SH3KBP1: variants seen among roughly 807,000 people sequenced by gnomAD.
SH3KBP1 encodes the protein SH3 domain containing kinase binding protein 1, also known as SH3 domain-containing kinase-binding protein 1.
Under a neutral mutation model 50.1 loss-of-function variants are expected in SH3KBP1, and 8 were observed. The ratio of observed to expected loss-of-function variants is 0.16; its 90% CI spans 0.09 to 0.29. SH3KBP1 has a LOEUF of 0.29. SH3KBP1 is among the 10% of genes least tolerant of loss of function. SH3KBP1 has a pLI of 1.00. For missense variants in SH3KBP1, 377 were observed against 535.2 expected (o/e 0.70, Z 2.92); for synonymous variants, 227 against 218.6 (o/e 1.04, Z -0.34).
chrX:19,583,645 A>G (rs1266755750), intron 12 of SH3KBP1, among the ~76,000 whole-genome samples: 4 of 109,737 alleles, frequency 3.6e-5, no homozygotes, highest in Non-Finnish European at 7.6e-5. Flanking sequence ...CTCAGGCTGA[A>G]CACAGACTGC....
intron 3 of SH3KBP1, among the ~76,000 whole-genome samples, chrX:19,734,817 TA>T (rs771838034): frequency 8.9e-6 from 1 of 112,309 alleles, no homozygotes; most frequent in East Asian, 2.8e-4. Flanking sequence ...TCACTTAGCA[TA>T]ATGTTTTCAA....
intron 2 of SH3KBP1, among the ~76,000 whole-genome samples, chrX:19,833,161 C>T (rs2067953356): frequency 9.0e-6 from 1 of 111,089 alleles, no homozygotes; most frequent in African/African-American, 3.3e-5. Flanking sequence ...CTCTCCTTCC[C>T]ACGGTCCTCC....
intron 11 of SH3KBP1, 57 bp from the exon 12 acceptor site, chrX:19,588,859 A>C: frequency 1.1e-6 from 1 of 940,785 alleles, no homozygotes; most frequent in Non-Finnish European, 1.4e-6. Flanking sequence ...CAGTACTTAG[A>C]TGCAGATCAC....
intron 10 of SH3KBP1, 50 bp downstream of exon 10, chrX:19,594,899 G>T: frequency 2.1e-6 from 2 of 931,677 alleles, no homozygotes; most frequent in Non-Finnish European, 3.1e-6. Context: ...TTGAATATAT[G>T]CAAAAAGAAA....
At chrX:19,769,075 A>ATTT (rs36059368) in intron 2 of SH3KBP1, among the ~76,000 whole-genome samples, 1,573 of 81,097 alleles carry the variant, frequency 0.019, 82 homozygotes, top group African/African-American at 0.078. Flanking sequence ...CTGCGTTATA[A>ATTT]TTTTTTTTTT....
At chrX:19,572,138 C>T (rs1355276855) in intron 12 of SH3KBP1, among the ~76,000 whole-genome samples, 1 of 109,004 alleles carries the variant, frequency 9.2e-6, no homozygotes, top group Non-Finnish European at 1.9e-5. Flanking sequence ...TACTTTACTG[C>T]TCTTATTTTC....
At chrX:19,594,665 G>GT (rs1248804092) in intron 10 of SH3KBP1, among the ~76,000 whole-genome samples, 7 of 110,296 alleles carry the variant, frequency 6.3e-5, no homozygotes, top group African/African-American at 9.9e-5. Context: ...ACCCAAACTT[G>GT]TTTTTTTTGT....
intron 2 of SH3KBP1, among the ~76,000 whole-genome samples, chrX:19,782,392 C>G (rs2066209339): frequency 9.0e-6 from 1 of 111,455 alleles, no homozygotes; most frequent in Non-Finnish European, 1.9e-5. Flanking sequence ...TTTAAGCCAC[C>G]CAGTTTGTGG....
intron 2 of SH3KBP1, among the ~76,000 whole-genome samples, chrX:19,750,569 C>A (rs1451525143): frequency 2.7e-5 from 3 of 112,085 alleles, no homozygotes; most frequent in Non-Finnish European, 5.6e-5. Context: ...TCTCTGTGTA[C>A]TTGCTTCTGA....
chrX:19,555,832 C>T (rs1002244940), intron 13 of SH3KBP1, among the ~76,000 whole-genome samples: 7 of 111,799 alleles, frequency 6.3e-5, no homozygotes, highest in African/African-American at 2.3e-4. Flanking sequence ...TCCTTCAGTG[C>T]CACAACTGAG....
chrX:19,824,661 A>T (rs1256434180), intron 2 of SH3KBP1, among the ~76,000 whole-genome samples: 1 of 112,212 alleles, frequency 8.9e-6, no homozygotes, highest in Non-Finnish European at 1.9e-5. Flanking sequence ...ACATGATCTT[A>T]AAGTCCCTTT....
chrX:19,652,230 G>A (rs1385188809), intron 6 of SH3KBP1, among the ~76,000 whole-genome samples: 6 of 111,193 alleles, frequency 5.4e-5, no homozygotes, highest in African/African-American at 1.6e-4. Flanking sequence ...CCGGGGCCTC[G>A]GTTGCCCTTG....
chrX:19,852,265 G>A (rs2068530586), intron 1 of SH3KBP1, among the ~76,000 whole-genome samples: 1 of 111,162 alleles, frequency 9.0e-6, no homozygotes, highest in Admixed American at 9.6e-5. Flanking sequence ...GCCCCCAGCT[G>A]TCATGTCCAC....
rs778051286 is a variant in SH3KBP1 at position 19,807,603 on chromosome X, T to C, written c.162+28522A>G. On this transcript the variant is annotated intron_variant, in intron 2 of 17. Transcript: ENST00000397821. ...TTCTTCATGGCTGCATGTTTCACTATCTATAATTATCTTTTCACTTGTCTG... is the reference window on the plus strand; with the variant it reads ...TTCTTCATGGCTGCATGTTTCACTACCTATAATTATCTTTTCACTTGTCTG... Among the ~76,000 whole-genome samples the C allele has an allele frequency of 2.7e-5, 3 of 111,792 alleles. No individual in the cohort carries two copies. The South Asian group carries it at 1.1e-3, about 42-fold the overall frequency.
At chrX:19,571,673 G>A (rs1310633548) in intron 12 of SH3KBP1, among the ~76,000 whole-genome samples, 3 of 111,747 alleles carry the variant, frequency 2.7e-5, no homozygotes, top group Non-Finnish European at 5.6e-5. Context: ...ATTGGGTGCT[G>A]CCATCCTTCA....
intron 9 of SH3KBP1, among the ~76,000 whole-genome samples, chrX:19,606,314 T>C (rs1325483203): frequency 1.8e-5 from 2 of 112,363 alleles, no homozygotes; most frequent in Non-Finnish European, 3.8e-5. Context: ...CAAACCCAGA[T>C]CTATCTGATG....
chrX:19,746,664 G>T (rs1012480273), intron 2 of SH3KBP1, among the ~76,000 whole-genome samples: 1 of 111,749 alleles, frequency 8.9e-6, no homozygotes, highest in African/African-American at 3.3e-5. Context: ...ATGGTGAGGC[G>T]ACCTTATGTA....
intron 12 of SH3KBP1, among the ~76,000 whole-genome samples, chrX:19,572,490 TTATA>T (rs201036246): frequency 1.9e-5 from 2 of 106,808 alleles, no homozygotes; most frequent in Non-Finnish European, 3.8e-5. Context: ...TACATATATG[TTATA>T]TATAGTACAT....
chrX:19,639,076 A>C (rs1403937208), intron 7 of SH3KBP1, among the ~76,000 whole-genome samples: 2 of 111,840 alleles, frequency 1.8e-5, no homozygotes, highest in Non-Finnish European at 3.8e-5. Context: ...GACAACGCCC[A>C]CCAACAGACA....
Sources: allele counts gnomAD v4.1 joint callset (sites outside exome capture counted in the v4.1 genomes callset), GRCh38; gene constraint gnomAD v4.1.1; transcripts MANE v1.5; gene names NCBI Gene and HGNC (gene_info 2026-07-23, HGNC 2026-07-21).